Variants in FSCN2 observed in about 807,000 individuals in gnomAD.
The protein encoded by FSCN2 is fascin actin-bundling protein 2, retinal, also known as fascin-2.
FSCN2 carries 46 observed loss-of-function variants against 37.8 expected under a neutral mutation model. The ratio of observed to expected loss-of-function variants is 1.22; its 90% CI spans 0.96 to 1.56. FSCN2 has a LOEUF of 1.56. FSCN2 is among the 40% of genes most tolerant of loss of function. The pLI is 0.00. For synonymous variants in FSCN2, 351 were observed against 309.4 expected, an observed-to-expected ratio of 1.13 and a Z score of -1.41; for missense variants, 844 against 730.4, an observed-to-expected ratio of 1.16 and a Z score of -1.79.
chr17:81,531,594 ATAGTGATGATAATGG>A (rs2032609817), intron 1 of FSCN2, among the ~76,000 whole-genome samples: 2 of 90,506 alleles, frequency 2.2e-5, no homozygotes, highest in African/African-American at 4.4e-5. Context: ...GGTGATGGTG[ATAGTGATGATAATGG>A]TGATGATGGT....
the FSCN2 span, among the ~76,000 whole-genome samples, chr17:81,515,643 C>T: frequency 6.6e-6 from 1 of 152,256 alleles, no homozygotes. Context: ...ACCTCCAGCT[C>T]CTTGCCCTGT....
intron 1 of FSCN2, among the ~76,000 whole-genome samples, chr17:81,532,507 T>TGAA (rs1221126845): frequency 1.2e-5 from 1 of 86,480 alleles, no homozygotes; most frequent in African/African-American, 5.8e-5. Context: ...ATGGTGATGA[T>TGAA]AATGGTGACG....
Position 81,536,808 on chromosome 17 carries a change from G to A in FSCN2, c.1273+19G>A, listed in dbSNP as rs2032895809. ...ATCCGAGGTGCGTGGCGGGGCGGGTGGGCACGCGGGAGCGGGGGTGGCAGC... is the reference window on the plus strand; with the variant it reads ...ATCCGAGGTGCGTGGCGGGGCGGGTAGGCACGCGGGAGCGGGGGTGGCAGC... On this transcript the variant is annotated intron_variant, in intron 4 of 4. Transcript: ENST00000417245. 1 of 1,566,984 alleles carries A rather than the reference G, an allele frequency of 6.4e-7. No individual in the cohort carries two copies. Among genetic ancestry groups the A allele is most frequent in the Admixed American group, 1.8e-5 (1 of 54,974 alleles).
At chr17:81,534,441 T>A (rs2032785709) in intron 1 of FSCN2, among the ~76,000 whole-genome samples, 1 of 152,114 alleles carries the variant, frequency 6.6e-6, no homozygotes. Context: ...TCACAGAAGA[T>A]CCTGGGTAGG....
Position 81,532,893 on chromosome 17 carries a change from A to G in FSCN2, c.827-2159A>G, listed in dbSNP as rs140631015. 9.9e-3 allele frequency among the ~76,000 whole-genome samples: 1,504 copies of G among 152,254 alleles called. 12 individuals carry two copies. The highest frequency in any genetic ancestry group is 0.015 in the Non-Finnish European group (1,013 of 67,994). On this transcript the variant is annotated intron_variant, in intron 1 of 4. Coordinates refer to ENST00000417245, the MANE Select transcript of FSCN2 (RefSeq NM_012418.4). The stretch of plus-strand genomic sequence containing the variant: ...CTTTGAGGGGAGAATCCCCTACTCA[A>G]GACCAGCTCCCATCTCCCACTTTAG...
upstream of FSCN2, chr17:81,527,592 G>C (rs1473208700): frequency 1.3e-5 from 2 of 152,576 alleles, no homozygotes; most frequent in Non-Finnish European, 2.9e-5. Context: ...TGGGAGCATG[G>C]GGTGGACATC....
the FSCN2 span, among the ~76,000 whole-genome samples, chr17:81,521,800 T>C: frequency 6.6e-6 from 1 of 152,316 alleles, no homozygotes; most frequent in Non-Finnish European, 1.5e-5. Flanking sequence ...TAGGGTGTGT[T>C]TCCTAAGAAC....
chr17:81,524,574 GTGGT>G (rs1264307171), upstream of FSCN2, among the ~76,000 whole-genome samples: 2 of 152,250 alleles, frequency 1.3e-5, no homozygotes, highest in Non-Finnish European at 1.5e-5. Context: ...TCCCATGTGA[GTGGT>G]TGGTTGGCAC....
chr17:81,529,309 C>A lies in FSCN2; in HGVS notation c.778C>A (p.Gln260Lys). 1 of 1,566,626 alleles carries A rather than the reference C, an allele frequency of 6.4e-7. No homozygotes were observed. The highest frequency in any genetic ancestry group is 8.7e-7 in the Non-Finnish European group (1 of 1,154,506). Residue 260 changes from glutamine to lysine, a missense_variant, in exon 1 of 5, where the codon CAG becomes AAG. Physicochemically the swap from Gln to Lys is moderately conservative, Grantham distance 53 (BLOSUM62 1). Coordinates refer to ENST00000417245, the MANE Select transcript of FSCN2 (RefSeq NM_012418.4). ...CTTTGATCTGGAGGAGAGTCACCCACAGGTGGTGCTGGTGGCTGCCAACCA... is the reference window on the plus strand; with the variant it reads ...CTTTGATCTGGAGGAGAGTCACCCAAAGGTGGTGCTGGTGGCTGCCAACCA... ...ELFDLEESHP[Q>K]VVLVAANHRY...
chr17:81,531,249 GTGA>G (rs2032550306), intron 1 of FSCN2, among the ~76,000 whole-genome samples: 17 of 93,972 alleles, frequency 1.8e-4, no homozygotes, highest in East Asian at 9.6e-4. Flanking sequence ...GGTGATGATG[GTGA>G]TGGTGATGAT....
At chr17:81,525,442 GC>G (rs2032323359), upstream of FSCN2, among the ~76,000 whole-genome samples, 1 of 102,852 alleles carries the variant, frequency 9.7e-6, no homozygotes, top group Non-Finnish European at 2.1e-5. Flanking sequence ...AAAAAAAAAG[GC>G]TGTGCCTGGT....
In FSCN2 at chr17:81,536,421, G is replaced by A. The variant is rs1485064603; in HGVS notation, c.1105+154G>A. On this transcript the variant is annotated intron_variant, in intron 3 of 4. Coordinates refer to ENST00000417245, the MANE Select transcript of FSCN2 (RefSeq NM_012418.4). ...TCATACTTGCTAGTCAAGATAACTC[G>A]TCTTGGCAAGGGAAACAGGTCTGAA... is the stretch of plus-strand genomic sequence containing the variant. The A allele has an allele frequency of 4.8e-6, 7 of 1,448,234 alleles. No homozygotes were observed. In the Admixed American group the frequency reaches 8.3e-5, roughly 17 times the overall value. The allele number at this position is 1,448,234 out of a possible 1,614,324, so 89.7% of individuals were successfully genotyped here. A position where few individuals can be genotyped will look rare whatever the true frequency, so the allele number is the denominator to read the frequency against.
chr17:81,536,239 G>C lies in FSCN2; in HGVS notation c.1077G>C (p.Gly359=). 6.2e-7 allele frequency: 1 copy of C among 1,601,524 alleles called. No homozygotes were observed. Among genetic ancestry groups the C allele is most frequent in the Non-Finnish European group, 8.5e-7 (1 of 1,174,832 alleles). ...GCTACGTGTGCATGAAGAAGAATGGGCAGCTGGCGGCTATCAGCGATTTTG... is the reference window on the plus strand; with the variant it reads ...GCTACGTGTGCATGAAGAAGAATGGCCAGCTGGCGGCTATCAGCGATTTTG... ...NGRYVCMKKN[G]QLAAISDFVG... The change falls in exon 3 of 5, where the codon GGG becomes GGC. Residue 359 remains glycine (G), a synonymous_variant. Coordinates refer to ENST00000417245, the MANE Select transcript of FSCN2 (RefSeq NM_012418.4).
Position 81,529,110 on chromosome 17 carries a change from C to T in FSCN2, c.579C>T (p.Tyr193=), listed in dbSNP as rs782532926. ...RYCLKSCDSR[Y]LRSDGRLVWE... ...GCCTCAAGTCCTGTGACAGCCGCTA[C>T]CTGCGCAGCGACGGCCGTCTGGTCT... Residue 193 remains tyrosine, a synonymous_variant, in exon 1 of 5, where the codon TAC becomes TAT. Coordinates refer to ENST00000417245, the MANE Select transcript of FSCN2 (RefSeq NM_012418.4). 10 of 1,586,140 alleles carry T rather than the reference C, an allele frequency of 6.3e-6. No individual in the cohort carries two copies. The East Asian group carries it at 1.8e-4, about 29-fold the overall frequency.
rs564938937 is a variant in FSCN2, at chr17:81,533,238, C to A, written c.827-1814C>A. 2.4e-3 allele frequency among the ~76,000 whole-genome samples: 364 copies of A among 152,318 alleles called. 1 individual carries two copies. The South Asian group carries it at 0.025, about 10-fold the overall frequency. ...GCACCCAGGCTTGCATGTATCCCCC[C>A]CCATCGGCCAGAGCCTGCTCATTTC... On this transcript the variant is annotated intron_variant, in intron 1 of 4. Coordinates refer to ENST00000417245, the MANE Select transcript of FSCN2 (RefSeq NM_012418.4).
the FSCN2 span, among the ~76,000 whole-genome samples, chr17:81,515,803 C>T: frequency 6.6e-6 from 1 of 152,272 alleles, no homozygotes; most frequent in African/African-American, 2.4e-5. Context: ...CTAGCCTTTG[C>T]CTCTGTCACT....
At chr17:81,535,854 A>ACCATCCCCCTCTCCATCC (rs1304755483) in intron 2 of FSCN2, among the ~76,000 whole-genome samples, 1 of 93,882 alleles carries the variant, frequency 1.1e-5, no homozygotes, top group Non-Finnish European at 2.0e-5. Flanking sequence ...CATCTCCATC[A>ACCATCCCCCTCTCCATCC]CCATCCCCCT....
the FSCN2 span, among the ~76,000 whole-genome samples, chr17:81,519,749 G>C: frequency 6.6e-6 from 1 of 152,220 alleles, no homozygotes; most frequent in African/African-American, 2.4e-5. Flanking sequence ...ACCCGTGGCA[G>C]TGGATGAGGG....
chr17:81,532,416 ATGG>A (rs1485509571), intron 1 of FSCN2, among the ~76,000 whole-genome samples: 4 of 129,984 alleles, frequency 3.1e-5, no homozygotes, highest in Admixed American at 2.2e-4. Flanking sequence ...GATGGTGATG[ATGG>A]TGATGGTGAT....
Sources: allele counts gnomAD v4.1 joint callset (sites outside exome capture counted in the v4.1 genomes callset), GRCh38; gene constraint gnomAD v4.1.1; transcripts MANE v1.5; gene names NCBI Gene and HGNC (gene_info 2026-07-23, HGNC 2026-07-21).